SPAG16: variants seen among roughly 807,000 people sequenced by gnomAD.
SPAG16 encodes sperm associated antigen 16.
Under a neutral mutation model 80.4 loss-of-function variants are expected in SPAG16, and 86 were observed. The ratio of observed to expected loss-of-function variants is 1.07; its 90% CI spans 0.90 to 1.28. The LOEUF (loss-of-function observed/expected upper bound fraction) is 1.28, where lower values mean the gene tolerates loss of function less well. SPAG16 is among the 50% of genes most tolerant of loss of function. The pLI is 0.00. For synonymous variants in SPAG16, 294 were observed against 265.9 expected (o/e 1.11, Z -1.03); for missense variants, 870 against 765.3 (o/e 1.14, Z -1.61).
At chr2:213,313,618 A>G (rs2063291516) in intron 4 of SPAG16, among the ~76,000 whole-genome samples, 1 of 151,878 alleles carries the variant, frequency 6.6e-6, no homozygotes. Context: ...GCAATTATAC[A>G]AGAGAATCTT....
At chr2:214,044,994 A>G (rs967712962) in intron 13 of SPAG16, among the ~76,000 whole-genome samples, 1 of 152,162 alleles carries the variant, frequency 6.6e-6, no homozygotes, top group East Asian at 1.9e-4. Context: ...GGCAATTCCT[A>G]GTGCTGAGCT....
chr2:213,834,223 G>A (rs566679638), intron 10 of SPAG16, among the ~76,000 whole-genome samples: 45 of 152,166 alleles, frequency 3.0e-4, no homozygotes, highest in African/African-American at 1.0e-3. Context: ...CCCATTCTCA[G>A]GTATGTCCTT....
intron 10 of SPAG16, among the ~76,000 whole-genome samples, chr2:213,545,626 C>A (rs1431376418): frequency 1.3e-5 from 2 of 151,982 alleles, no homozygotes; most frequent in Admixed American, 1.3e-4. Flanking sequence ...ATTATGGAAT[C>A]TTTGCAGTTT....
intron 15 of SPAG16, chr2:214,281,406 TG>T (rs1692924658): frequency 5.0e-6 from 1 of 199,242 alleles, no homozygotes; most frequent in African/African-American, 2.3e-5. Flanking sequence ...TTTCACTTGG[TG>T]TCTCTTAAAG....
intron 13 of SPAG16, among the ~76,000 whole-genome samples, chr2:214,054,534 A>G (rs1195670510): frequency 6.6e-6 from 1 of 152,198 alleles, no homozygotes; most frequent in East Asian, 1.9e-4. Context: ...CTGAGGCCTA[A>G]CAGACCCCAA....
chr2:213,976,131 TATATACAC>T lies in SPAG16; in HGVS notation c.1401-37818_1401-37811del, dbSNP rs201682866. Reference sequence around the variant, plus strand: ...GGAGATATATATATATATATATATATATATACACACACACACACACACACGTATGTATA... The same window carrying T: ...GGAGATATATATATATATATATATATACACACACACACACACGTATGTATA... On this transcript the variant is annotated intron_variant, in intron 12 of 15. Coordinates refer to ENST00000331683, the MANE Select transcript of SPAG16 (RefSeq NM_024532.5). Among the ~76,000 whole-genome samples the T allele has an allele frequency of 1.2e-3, 123 of 104,876 alleles. 1 individual carries two copies. The highest frequency in any genetic ancestry group is 8.7e-3 in the South Asian group (17 of 1,944). The allele number at this position is 104,876 out of a possible 152,430, so 68.8% of individuals were successfully genotyped here.
At chr2:213,972,161 A>G (rs2106383031) in intron 12 of SPAG16, among the ~76,000 whole-genome samples, 1 of 151,842 alleles carries the variant, frequency 6.6e-6, no homozygotes, top group Non-Finnish European at 1.5e-5. Flanking sequence ...AAAAATGTTG[A>G]GCTACTTTTC....
At chr2:213,574,957 A>G (rs896425776) in intron 10 of SPAG16, among the ~76,000 whole-genome samples, 5 of 152,050 alleles carry the variant, frequency 3.3e-5, no homozygotes, top group Non-Finnish European at 5.9e-5. Flanking sequence ...TGTATGGTCA[A>G]TTTCTATCCA....
At chr2:214,193,429 G>GTGT (rs1559119411) in intron 15 of SPAG16, among the ~76,000 whole-genome samples, 1 of 67,908 alleles carries the variant, frequency 1.5e-5, no homozygotes, top group South Asian at 5.9e-4. Flanking sequence ...GTGTGTATGA[G>GTGT]AGAGAGAGAG....
At position 214,149,275 on chromosome 2, in the gene SPAG16, AT is replaced by A; in HGVS notation, c.1720+14del. ...GAATTTTGATTCATCAGGTAGGATC[AT>A]TTTTGTCTAATGTTTCTGACTAAGC... On this transcript the variant is annotated intron_variant, in intron 15 of 15. Transcript: ENST00000331683. 1.9e-6 allele frequency: 3 copies of A among 1,547,810 alleles called. No individual in the cohort carries two copies. The highest frequency in any genetic ancestry group is 1.4e-5 in the African/African-American group (1 of 72,916).
At chr2:214,273,024 G>T (rs1692153883) in intron 15 of SPAG16, among the ~76,000 whole-genome samples, 2 of 152,124 alleles carry the variant, frequency 1.3e-5, no homozygotes. Flanking sequence ...GTTTTGATTT[G>T]CATTTCTCTG....
Position 214,215,984 on chromosome 2 carries a change from C to A in SPAG16, c.1720+66718C>A, listed in dbSNP as rs12997249. Reference sequence around the variant, plus strand: ...AGCTTTGAAAAGGCCTGATAGATACCCATTGCAAAAAGTTAGTGAAAGGCC... The same window carrying A: ...AGCTTTGAAAAGGCCTGATAGATACACATTGCAAAAAGTTAGTGAAAGGCC... On this transcript the variant is annotated intron_variant, in intron 15 of 15. Transcript: ENST00000331683. 2.3e-3 allele frequency among the ~76,000 whole-genome samples: 357 copies of A among 151,982 alleles called. 5 individuals are homozygous for A. Among genetic ancestry groups the A allele is most frequent in the East Asian group, 0.015 (79 of 5,156 alleles).
chr2:214,277,038 G>C (rs764101907), intron 15 of SPAG16, among the ~76,000 whole-genome samples: 8 of 151,498 alleles, frequency 5.3e-5, no homozygotes, highest in Non-Finnish European at 1.2e-4. Context: ...TCATTAATTT[G>C]ATCTTCAATC....
chr2:214,178,431 G>A lies in SPAG16; in HGVS notation c.1720+29165G>A, dbSNP rs1196520367. On this transcript the variant is annotated intron_variant, in intron 15 of 15. Coordinates refer to ENST00000331683, the MANE Select transcript of SPAG16 (RefSeq NM_024532.5). ...AGGTGGTTGAACAAAAAATACTATG[G>A]TACTGGTTCAGCACGCTTGTGCTGA... Among the ~76,000 whole-genome samples the A allele has an allele frequency of 2.0e-5, 3 of 151,212 alleles. No homozygotes were observed. The Admixed American group carries it at 2.0e-4, about 10-fold the overall frequency.
chr2:213,808,046 A>G (rs938244126), intron 10 of SPAG16, among the ~76,000 whole-genome samples: 1 of 152,230 alleles, frequency 6.6e-6, no homozygotes, highest in Non-Finnish European at 1.5e-5. Context: ...AAAGAATGAG[A>G]CACTGGACAA....
At chr2:213,701,372 TAAC>T (rs2065409572) in intron 10 of SPAG16, among the ~76,000 whole-genome samples, 1 of 152,148 alleles carries the variant, frequency 6.6e-6, no homozygotes. Context: ...TACAATGTAA[TAAC>T]AATGATAACG....
chr2:214,281,002 G>T (rs937118935), intron 15 of SPAG16: 19 of 421,688 alleles, frequency 4.5e-5, no homozygotes, highest in African/African-American at 2.7e-4. Flanking sequence ...TACTGTAAGG[G>T]ATAGACAAAC....
At chr2:213,737,954 T>C (rs2067369650) in intron 10 of SPAG16, among the ~76,000 whole-genome samples, 1 of 151,748 alleles carries the variant, frequency 6.6e-6, no homozygotes, top group Non-Finnish European at 1.5e-5. Flanking sequence ...GCCCCTCTTT[T>C]AAGCCATAAT....
intron 12 of SPAG16, among the ~76,000 whole-genome samples, chr2:213,985,449 C>G (rs1457442768): frequency 6.6e-6 from 1 of 152,048 alleles, no homozygotes; most frequent in Non-Finnish European, 1.5e-5. Context: ...TTCTGACATT[C>G]AAATACTGAC....
Sources: gnomAD v4.1 joint callset for allele counts (sites outside exome capture counted in the v4.1 genomes callset) on GRCh38, gnomAD v4.1.1 for gene constraint, MANE v1.5 for transcripts, NCBI Gene and HGNC (gene_info 2026-07-23, HGNC 2026-07-21) for gene names.